Variants in KLF12 observed in about 807,000 individuals in gnomAD.
KLF12 encodes the protein Krueppel-like factor 12.
Under a neutral mutation model 37.8 loss-of-function variants are expected in KLF12, and 9 were observed. That is an observed-to-expected ratio of 0.24 (90% CI 0.14 to 0.42). The LOEUF (loss-of-function observed/expected upper bound fraction) is 0.42. KLF12 is among the 10% of genes least tolerant of loss of function. KLF12 has a pLI of 1.00. For missense variants in KLF12, 411 were observed against 516.0 expected (o/e 0.80, Z 1.97); for synonymous variants, 208 against 202.1 (o/e 1.03, Z -0.25).
intron 5 of KLF12, among the ~76,000 whole-genome samples, chr13:73,794,419 C>T (rs1881852255): frequency 6.6e-6 from 1 of 152,196 alleles, no homozygotes; most frequent in Admixed American, 6.5e-5. Flanking sequence ...AAGATTGCGC[C>T]ACTGCACTCC....
At chr13:74,028,578 A>G (rs2138468565) in intron 1 of KLF12, among the ~76,000 whole-genome samples, 1 of 152,186 alleles carries the variant, frequency 6.6e-6, no homozygotes, top group South Asian at 2.1e-4. Context: ...TTAAACATTA[A>G]AGTAGATTCC....
At chr13:73,959,537 G>A (rs186886233) in intron 2 of KLF12, among the ~76,000 whole-genome samples, 3 of 150,962 alleles carry the variant, frequency 2.0e-5, no homozygotes, top group Admixed American at 6.6e-5. Context: ...TATATTAAAG[G>A]AGAAATGAAG....
At chr13:74,050,602 A>G (rs1295807693) in intron 1 of KLF12, among the ~76,000 whole-genome samples, 1 of 152,314 alleles carries the variant, frequency 6.6e-6, no homozygotes, top group South Asian at 2.1e-4. Context: ...CTGGGTTTGA[A>G]GCAGGGATAA....
At chr13:74,278,924 A>G in the KLF12 span, among the ~76,000 whole-genome samples, 1 of 152,196 alleles carries the variant, frequency 6.6e-6, no homozygotes, top group Non-Finnish European at 1.5e-5. Flanking sequence ...CTCTTATTCA[A>G]TAAGAAGATA....
rs564004183 is a variant in KLF12, at chr13:73,842,454, C to A, written c.670+3373G>T. Among the ~76,000 whole-genome samples the A allele has an allele frequency of 3.3e-5, 5 of 152,298 alleles. No individual in the cohort carries two copies. The South Asian group carries it at 1.0e-3, about 32-fold the overall frequency. On this transcript the variant is annotated intron_variant, in intron 4 of 7. Transcript: ENST00000377669. ...CAGAAACAACATCTGCTTTGCCCAA[C>A]ACTGTATCTTTGGTGTCAATAAAAT...
intron 1 of KLF12, among the ~76,000 whole-genome samples, chr13:74,119,728 T>G (rs1464458199): frequency 6.6e-6 from 1 of 152,006 alleles, no homozygotes; most frequent in Non-Finnish European, 1.5e-5. Flanking sequence ...AGTAGTCTAA[T>G]GCGCTTGTCA....
chr13:74,079,124 T>TA (rs1874731942), intron 1 of KLF12, among the ~76,000 whole-genome samples: 1 of 152,154 alleles, frequency 6.6e-6, no homozygotes, highest in African/African-American at 2.4e-5. Flanking sequence ...CAAACTTCTT[T>TA]AAAATTTGAA....
intron 1 of KLF12, among the ~76,000 whole-genome samples, chr13:74,031,857 A>T (rs904849726): frequency 6.6e-6 from 1 of 152,284 alleles, no homozygotes; most frequent in East Asian, 1.9e-4. Flanking sequence ...TCAAAGATGC[A>T]ATAGGCTACT....
the KLF12 span, among the ~76,000 whole-genome samples, chr13:74,218,302 A>T: frequency 6.6e-6 from 1 of 152,192 alleles, no homozygotes; most frequent in Non-Finnish European, 1.5e-5. Context: ...GAAGGTGGGG[A>T]ACAATAAGGC....
chr13:73,977,515 CAGAAAA>C (rs1333685104), intron 2 of KLF12, among the ~76,000 whole-genome samples: 2 of 152,090 alleles, frequency 1.3e-5, no homozygotes, highest in East Asian at 3.9e-4. Flanking sequence ...ATAGAACTCT[CAGAAAA>C]AGTTATAATG....
intron 6 of KLF12, among the ~76,000 whole-genome samples, chr13:73,749,079 T>A (rs1483159453): frequency 1.3e-5 from 2 of 152,132 alleles, no homozygotes; most frequent in African/African-American, 4.8e-5. Flanking sequence ...AAGGCCCTTT[T>A]CAGTGTGTGT....
intron 5 of KLF12, among the ~76,000 whole-genome samples, chr13:73,793,276 T>C (rs911343878): frequency 3.3e-5 from 5 of 152,204 alleles, no homozygotes; most frequent in African/African-American, 9.6e-5. Context: ...CCAAATAAGA[T>C]AATCTGATAG....
At chr13:73,721,316 CAT>C (rs1876226757) in intron 6 of KLF12, among the ~76,000 whole-genome samples, 1 of 152,068 alleles carries the variant, frequency 6.6e-6, no homozygotes, top group South Asian at 2.1e-4. Flanking sequence ...TACAAACCAA[CAT>C]ATGATAGAAG....
In KLF12 at chr13:73,901,607, A is replaced by G. The variant is rs191010773; in HGVS notation, c.123+42374T>C. ...AAAAAAAATCCCCAAAATGGAGCACACAAATCTTCCTGGTGACAGCAGCCC... is the reference window on the plus strand; with the variant it reads ...AAAAAAAATCCCCAAAATGGAGCACGCAAATCTTCCTGGTGACAGCAGCCC... On this transcript the variant is annotated intron_variant, in intron 3 of 7. Transcript: ENST00000377669. 6.1e-3 allele frequency among the ~76,000 whole-genome samples: 933 copies of G among 152,124 alleles called. 9 individuals are homozygous for G. The highest frequency in any genetic ancestry group is 0.022 in the African/African-American group (895 of 41,442).
intron 4 of KLF12, among the ~76,000 whole-genome samples, chr13:73,845,610 A>C (rs766906490): frequency 6.6e-6 from 1 of 152,206 alleles, no homozygotes; most frequent in Non-Finnish European, 1.5e-5. Flanking sequence ...GGTAAGTAAA[A>C]ATACACTAAG....
chr13:74,217,684 G>A, the KLF12 span, among the ~76,000 whole-genome samples: 1 of 152,070 alleles, frequency 6.6e-6, no homozygotes, highest in African/African-American at 2.4e-5. Flanking sequence ...CCGAGATTGC[G>A]CCACCGCACT....
intron 1 of KLF12, among the ~76,000 whole-genome samples, chr13:74,091,991 C>T (rs1355518040): frequency 7.8e-6 from 1 of 128,780 alleles, no homozygotes; most frequent in African/African-American, 2.5e-5. Flanking sequence ...AACAAAGCAA[C>T]CTTTAAAAAA....
intron 5 of KLF12, among the ~76,000 whole-genome samples, chr13:73,804,752 G>A (rs959350642): frequency 1.3e-5 from 2 of 152,122 alleles, no homozygotes; most frequent in African/African-American, 2.4e-5. Flanking sequence ...ACCACAACAG[G>A]CATGATATTT....
intron 5 of KLF12, among the ~76,000 whole-genome samples, chr13:73,767,978 TG>T (rs1248313699): frequency 2.0e-5 from 3 of 152,142 alleles, no homozygotes; most frequent in African/African-American, 7.2e-5. Context: ...CATGAATTGC[TG>T]GGGGAAGGAT....
Sources: allele counts gnomAD v4.1 joint callset (sites outside exome capture counted in the v4.1 genomes callset), GRCh38; gene constraint gnomAD v4.1.1; transcripts MANE v1.5; gene names NCBI Gene and HGNC (gene_info 2026-07-23, HGNC 2026-07-21).